Variants in NFIC observed in about 807,000 individuals in gnomAD.
NFIC encodes the protein nuclear factor I C, also known as nuclear factor 1 C-type.
In NFIC, 12 loss-of-function variants were observed where a neutral mutation model predicts 54.4. That is an observed-to-expected ratio of 0.22 (90% CI 0.14 to 0.36). NFIC has a LOEUF of 0.36. NFIC is among the 10% of genes least tolerant of loss of function. NFIC has a pLI of 1.00. For missense variants in NFIC, 575 were observed against 718.2 expected (o/e 0.80, Z 2.28); for synonymous variants, 322 against 319.2 (o/e 1.01, Z -0.09).
At chr19:3,457,048 C>A (rs1342735694) in intron 10 of NFIC, among the ~76,000 whole-genome samples, 1 of 152,170 alleles carries the variant, frequency 6.6e-6, no homozygotes, top group East Asian at 1.9e-4. Flanking sequence ...CACGCCGAGG[C>A]CTAGAGGGAC....
chr19:3,367,540 G>T (rs1222356693), intron 1 of NFIC, among the ~76,000 whole-genome samples: 1 of 152,146 alleles, frequency 6.6e-6, no homozygotes, highest in Non-Finnish European at 1.5e-5. Context: ...CTGCCCCGGG[G>T]CCGAGCCTTG....
upstream of NFIC, among the ~76,000 whole-genome samples, chr19:3,363,240 T>TGTGTGCGC (rs1352352284): frequency 1.5e-4 from 8 of 54,358 alleles, 1 homozygote; most frequent in African/African-American, 7.6e-4. Flanking sequence ...TGTATGTGTG[T>TGTGTGCGC]GTATATATAT....
At chr19:3,435,972 A>T (rs938263325) in intron 6 of NFIC, among the ~76,000 whole-genome samples, 25 of 151,834 alleles carry the variant, frequency 1.6e-4, no homozygotes, top group African/African-American at 5.8e-4. Context: ...GATTACAGGC[A>T]TGCACCACCA....
intron 1 of NFIC, among the ~76,000 whole-genome samples, chr19:3,372,644 C>T (rs533684149): frequency 2.2e-4 from 33 of 147,946 alleles, no homozygotes; most frequent in Non-Finnish European, 4.1e-4. Context: ...AGAGTGTGCA[C>T]GGTGCAGACC....
chr19:3,387,144 G>A (rs2081309307), intron 2 of NFIC, among the ~76,000 whole-genome samples: 1 of 152,224 alleles, frequency 6.6e-6, no homozygotes, highest in African/African-American at 2.4e-5. Context: ...AGGGGTGCAG[G>A]GTGGATGGCG....
intron 6 of NFIC, among the ~76,000 whole-genome samples, chr19:3,439,814 G>A (rs2082264834): frequency 1.3e-5 from 2 of 148,854 alleles, no homozygotes; most frequent in African/African-American, 5.0e-5. Flanking sequence ...TCAGCCTCCC[G>A]AATAGCTGGG....
intron 3 of NFIC, among the ~76,000 whole-genome samples, chr19:3,430,954 A>C (rs2145621578): frequency 6.6e-6 from 1 of 151,858 alleles, no homozygotes; most frequent in African/African-American, 2.4e-5. Flanking sequence ...AAAGAAAAGA[A>C]AAAGAAAGAA....
rs1213410683 is a variant in NFIC, at chr19:3,467,764, T to TAC, written c.*4996_*4997insCA. On this transcript the variant is annotated 3_prime_UTR_variant, in exon 11 of 11. Transcript: ENST00000443272. ...AGTGTAGGGCTATACTATACATATA[T>TAC]ATATATATATATATATATATATATA... is the stretch of plus-strand genomic sequence containing the variant. The TAC allele has an allele frequency of 4.7e-3, 598 of 126,718 alleles. 20 individuals carry two copies. In the South Asian group the frequency reaches 0.051, roughly 11 times the overall value. The allele number at this position is 126,718 out of a possible 1,614,324, so 7.8% of individuals were successfully genotyped here. A position where few individuals can be genotyped will look rare whatever the true frequency, so the allele number is the denominator to read the frequency against.
rs1027038082 is a variant in NFIC, at chr19:3,433,460, G to A, written c.635-58G>A. 5.1e-6 allele frequency: 8 copies of A among 1,584,048 alleles called. No individual in the cohort carries two copies. The African/African-American group carries it at 8.1e-5, about 16-fold the overall frequency. ...CCAGGAGTCCAGGCAGCCCTGGAGT[G>A]TGGGGAAGGGAAACAGGCCCAGCTC... On this transcript the variant is annotated intron_variant, in intron 3 of 10. Transcript: ENST00000443272.
At chr19:3,449,393 C>T (rs1423653094) in intron 7 of NFIC, among the ~76,000 whole-genome samples, 1 of 152,104 alleles carries the variant, frequency 6.6e-6, no homozygotes, top group Non-Finnish European at 1.5e-5. Context: ...AACTTCACCT[C>T]ACTCCCCTCA....
At chr19:3,360,168 C>T (rs2145407683) in intron 1 of NFIC, among the ~76,000 whole-genome samples, 1 of 145,692 alleles carries the variant, frequency 6.9e-6, no homozygotes, top group East Asian at 2.0e-4. Flanking sequence ...CCCGGGCGAG[C>T]GCGGCGCGCC....
intron 7 of NFIC, 33 bp downstream of exon 7, chr19:3,449,172 G>T: frequency 6.3e-7 from 1 of 1,599,118 alleles, no homozygotes; most frequent in Non-Finnish European, 8.5e-7. Context: ...GGGGAGGGGC[G>T]GCGGGCCCTC....
At position 3,387,268 on chromosome 19, in the gene NFIC, G is replaced by A. The variant is rs555350095; in HGVS notation, c.562+5025G>A. Among the ~76,000 whole-genome samples, 71 of 152,340 alleles carry A rather than the reference G, an allele frequency of 4.7e-4. 1 individual carries two copies. In the South Asian group the frequency reaches 9.5e-3, roughly 20 times the overall value. Reference sequence around the variant, plus strand: ...TGCAATCCCAGCACTTCGGGAGGCCGAGGCAGGCGGATCACCTGAGGTCAG... The same window carrying A: ...TGCAATCCCAGCACTTCGGGAGGCCAAGGCAGGCGGATCACCTGAGGTCAG... On this transcript the variant is annotated intron_variant, in intron 2 of 10. Coordinates refer to ENST00000443272, the MANE Select transcript of NFIC (RefSeq NM_001245002.2).
intron 1 of NFIC, among the ~76,000 whole-genome samples, chr19:3,381,344 G>A (rs1175454142): frequency 6.8e-6 from 1 of 146,968 alleles, no homozygotes; most frequent in Admixed American, 7.0e-5. Context: ...GCAGTGGGCC[G>A]AGATTGCGCC....
In NFIC at chr19:3,449,057, A is replaced by G. The variant is rs1379806347; in HGVS notation, c.1002A>G (p.Pro334=). ...AGAAGACAGAGATGGACAAGTCACCATTCAACAGCCCGTCCCCCCAGGACT... is the reference window on the plus strand; with the variant it reads ...AGAAGACAGAGATGGACAAGTCACCGTTCAACAGCCCGTCCCCCCAGGACT... The part of the protein sequence containing the change: ...PVKKTEMDKS[P]FNSPSPQDSP... Residue 334 remains proline, a synonymous_variant, in exon 7 of 11, where the codon CCA becomes CCG. Coordinates refer to ENST00000443272, the MANE Select transcript of NFIC (RefSeq NM_001245002.2). 1.9e-6 allele frequency: 3 copies of G among 1,613,374 alleles called. No homozygotes were observed. The highest frequency in any genetic ancestry group is 4.5e-5 in the East Asian group (2 of 44,830).
intron 2 of NFIC, among the ~76,000 whole-genome samples, chr19:3,409,158 G>A (rs964971585): frequency 6.6e-6 from 1 of 152,098 alleles, no homozygotes; most frequent in African/African-American, 2.4e-5. Context: ...TCCCCTCTCC[G>A]TTCGTTCCTC....
intron 9 of NFIC, 32 bp from the exon 10 acceptor site, chr19:3,456,518 T>C (rs2082559308): frequency 1.3e-6 from 2 of 1,548,946 alleles, no homozygotes; most frequent in Non-Finnish European, 1.7e-6. Context: ...AACCCCTCGC[T>C]AACGGGCTCT....
At chr19:3,390,727 G>A (rs1172596612) in intron 2 of NFIC, among the ~76,000 whole-genome samples, 1 of 152,180 alleles carries the variant, frequency 6.6e-6, no homozygotes, top group Non-Finnish European at 1.5e-5. Flanking sequence ...CAATGTGGAT[G>A]CATCTTGAGG....
chr19:3,429,249 T>TACACACACAC (rs1568443742), intron 3 of NFIC, among the ~76,000 whole-genome samples: 1 of 27,140 alleles, frequency 3.7e-5, no homozygotes, highest in Non-Finnish European at 7.1e-5. Context: ...AAAAAAAAAA[T>TACACACACAC]ATATACACAC....
Sources: allele counts gnomAD v4.1 joint callset (sites outside exome capture counted in the v4.1 genomes callset), GRCh38; gene constraint gnomAD v4.1.1; transcripts MANE v1.5; gene names NCBI Gene and HGNC (gene_info 2026-07-23, HGNC 2026-07-21).